APPL2: variants seen among roughly 807,000 people sequenced by gnomAD.
APPL2 encodes DCC-interacting protein 13-beta.
In APPL2, 84 loss-of-function variants were observed where a neutral mutation model predicts 92.7. The observed-to-expected ratio is 0.91, with a 90% CI of 0.76 to 1.09. The LOEUF (loss-of-function observed/expected upper bound fraction) is 1.09. Ranked by LOEUF, APPL2 falls within the 50% of genes least tolerant of loss-of-function variation. The pLI is 0.00. For synonymous variants in APPL2, 291 were observed against 291.0 expected (o/e 1.00, Z 0.00); for missense variants, 736 against 824.5 (o/e 0.89, Z 1.31).
chr12:105,198,658 T>A (rs776306776), intron 10 of APPL2, among the ~76,000 whole-genome samples: 51 of 152,288 alleles, frequency 3.3e-4, no homozygotes, highest in African/African-American at 1.2e-3. Flanking sequence ...AGGCACTGGG[T>A]TTCCTGCCCC....
intron 4 of APPL2, 91 bp from the exon 5 acceptor site, chr12:105,211,408 C>A: frequency 3.2e-6 from 3 of 933,282 alleles, no homozygotes; most frequent in African/African-American, 3.3e-5. Context: ...CTGAACACTT[C>A]CGTGTGGTCA....
At chr12:105,217,181 CT>C in intron 3 of APPL2, 41 bp from the exon 4 acceptor site, 1 of 1,392,916 alleles carries the variant, frequency 7.2e-7, no homozygotes, top group East Asian at 2.3e-5. Context: ...TAAGTGAATA[CT>C]GGGGAATTCA....
chr12:105,222,072 C>T lies in APPL2; in HGVS notation c.154-4347G>A, dbSNP rs572075358. Among the ~76,000 whole-genome samples, 31 of 152,282 alleles carry T rather than the reference C, an allele frequency of 2.0e-4. No individual in the cohort carries two copies. The East Asian group carries it at 4.8e-3, about 24-fold the overall frequency. ...TACCCAGTGTTTATCACAAAGCTGGCGGTCACGGGTCGCACTAGTTCAGGA... is the reference window on the plus strand; with the variant it reads ...TACCCAGTGTTTATCACAAAGCTGGTGGTCACGGGTCGCACTAGTTCAGGA... On this transcript the variant is annotated intron_variant, in intron 2 of 20. Transcript: ENST00000258530.
intron 20 of APPL2, among the ~76,000 whole-genome samples, chr12:105,175,382 GT>G (rs1411098083): frequency 2.0e-5 from 3 of 152,080 alleles, no homozygotes; most frequent in African/African-American, 7.2e-5. Flanking sequence ...CACTAATATG[GT>G]AGCCACTGGC....
intron 2 of APPL2, among the ~76,000 whole-genome samples, chr12:105,221,211 C>A (rs745852536): frequency 6.6e-6 from 1 of 152,186 alleles, no homozygotes; most frequent in Non-Finnish European, 1.5e-5. Context: ...ACAGGACTTG[C>A]AAAACTGGAG....
chr12:105,231,113 G>T (rs1412570207), intron 1 of APPL2, among the ~76,000 whole-genome samples: 1 of 152,182 alleles, frequency 6.6e-6, no homozygotes, highest in African/African-American at 2.4e-5. Context: ...TGACCCACTG[G>T]ATTTCATAAT....
intron 2 of APPL2, among the ~76,000 whole-genome samples, chr12:105,220,036 T>TA (rs1389752604): frequency 6.6e-6 from 1 of 152,212 alleles, no homozygotes; most frequent in Admixed American, 6.5e-5. Flanking sequence ...AGGTTCTAAT[T>TA]AATAACTCTA....
rs530920825 is a variant in APPL2 at position 105,208,442 on chromosome 12, G to A, written c.374-243C>T. 3.3e-5 allele frequency among the ~76,000 whole-genome samples: 5 copies of A among 152,260 alleles called. No individual in the cohort carries two copies. In the South Asian group the frequency reaches 6.2e-4, roughly 19 times the overall value. ...GAGCAGCCCTGCCTCTCCACATAGCGCTGAGGGTCTGTGAGGGAGAGGGCA... is the reference window on the plus strand; with the variant it reads ...GAGCAGCCCTGCCTCTCCACATAGCACTGAGGGTCTGTGAGGGAGAGGGCA... On this transcript the variant is annotated intron_variant, in intron 5 of 20. Transcript: ENST00000258530.
intron 17 of APPL2, among the ~76,000 whole-genome samples, chr12:105,181,459 A>G (rs1886105249): frequency 6.6e-6 from 1 of 152,132 alleles, no homozygotes; most frequent in African/African-American, 2.4e-5. Context: ...TGGTATCAGG[A>G]TGATGCTGGC....
chr12:105,234,797 A>G (rs1226894886), intron 1 of APPL2, among the ~76,000 whole-genome samples: 1 of 143,084 alleles, frequency 7.0e-6, no homozygotes, highest in African/African-American at 2.8e-5. Flanking sequence ...TAAAAAAGGG[A>G]GGCCTTGAAA....
intron 1 of APPL2, among the ~76,000 whole-genome samples, chr12:105,230,705 G>C (rs985364999): frequency 1.3e-5 from 2 of 152,182 alleles, no homozygotes; most frequent in Non-Finnish European, 2.9e-5. Context: ...CACCACACAT[G>C]CTCTACCCAG....
rs1271033216 is a variant in APPL2, at chr12:105,236,112, G to GGCCACTCCGTGCCC, written c.-114_-101dup. 2.2e-6 allele frequency: 2 copies of GGCCACTCCGTGCCC among 894,532 alleles called. No homozygotes were observed. Among genetic ancestry groups the GGCCACTCCGTGCCC allele is most frequent in the Non-Finnish European group, 2.9e-6 (2 of 698,056 alleles). 55.4% of individuals were successfully genotyped at this position (894,532 alleles called of 1,614,324 possible). On this transcript the variant is annotated 5_prime_UTR_variant, in exon 1 of 21. Transcript: ENST00000258530. ...CGGCTCTGGGCTCAGGCGACGCGGC[G>GGCCACTCCGTGCCC]GCCACTCCGTGCCCGCGGCGGCCCC...
At chr12:105,229,661 G>C (rs1325985898) in intron 1 of APPL2, 4 of 988,992 alleles carry the variant, frequency 4.0e-6, no homozygotes, top group East Asian at 2.2e-4. Flanking sequence ...GCTGTAGTGT[G>C]ATCATCCCAG....
At chr12:105,190,983 T>C (rs1313007416) in intron 14 of APPL2, among the ~76,000 whole-genome samples, 1 of 152,272 alleles carries the variant, frequency 6.6e-6, no homozygotes, top group African/African-American at 2.4e-5. Context: ...GGGCAAAGAA[T>C]ATCAATGTAT....
chr12:105,236,070 C>T lies in APPL2; in HGVS notation c.-58G>A, dbSNP rs1891209437. The T allele has an allele frequency of 2.9e-5, 34 of 1,181,426 alleles. No individual in the cohort carries two copies. Among genetic ancestry groups the T allele is most frequent in the African/African-American group, 4.8e-5 (3 of 62,172 alleles). The allele number at this position is 1,181,426 out of a possible 1,614,324, so 73.2% of individuals were successfully genotyped here. On this transcript the variant is annotated 5_prime_UTR_variant, in exon 1 of 21. Coordinates refer to ENST00000258530, the MANE Select transcript of APPL2 (RefSeq NM_018171.5). Reference sequence around the variant, plus strand: ...GAAGGACAGAGGGCAGGAGACGCGGCGGCCGAGAGCACTCCCCGGCTCTGG... The same window carrying T: ...GAAGGACAGAGGGCAGGAGACGCGGTGGCCGAGAGCACTCCCCGGCTCTGG...
intron 14 of APPL2, among the ~76,000 whole-genome samples, chr12:105,191,771 C>T (rs564100106): frequency 6.6e-5 from 10 of 152,312 alleles, no homozygotes; most frequent in Admixed American, 2.0e-4. Flanking sequence ...ACTCTCCTCT[C>T]GGTTTCGGCT....
At chr12:105,224,086 A>G (rs1044800235) in intron 2 of APPL2, among the ~76,000 whole-genome samples, 3 of 152,306 alleles carry the variant, frequency 2.0e-5, no homozygotes, top group Middle Eastern at 3.4e-3. Context: ...CAGCTTTTAG[A>G]TTGCTATCTG....
In APPL2 at chr12:105,174,463, G is replaced by A; in HGVS notation, c.1861-15C>T. ...GCTTCTGGATCCTGAAGTTAGGAGA[G>A]TTTAAAAGGGAAAAAAGAAAAGGCT... On this transcript the variant is annotated splice_polypyrimidine_tract_variant and intron_variant, in intron 20 of 20. Coordinates refer to ENST00000258530, the MANE Select transcript of APPL2 (RefSeq NM_018171.5). The A allele has an allele frequency of 6.2e-7, 1 of 1,604,594 alleles. No homozygotes were observed. Among genetic ancestry groups the A allele is most frequent in the Non-Finnish European group, 8.5e-7 (1 of 1,176,802 alleles).
At chr12:105,206,187 A>T (rs1023477640) in intron 8 of APPL2, among the ~76,000 whole-genome samples, 3 of 152,202 alleles carry the variant, frequency 2.0e-5, no homozygotes, top group African/African-American at 7.2e-5. Flanking sequence ...ACTGACGTGA[A>T]GTTTTTGTTT....
Sources: allele counts gnomAD v4.1 joint callset (sites outside exome capture counted in the v4.1 genomes callset), GRCh38; gene constraint gnomAD v4.1.1; transcripts MANE v1.5; gene names NCBI Gene and HGNC (gene_info 2026-07-23, HGNC 2026-07-21).